The following SFMBT2 variants were observed in gnomAD, a reference collection of about 807,000 sequenced individuals.
The protein encoded by SFMBT2 is Scm like with four mbt domains 2.
A neutral mutation model predicts 110.1 loss-of-function variants in SFMBT2; 38 were observed. The observed-to-expected ratio is 0.35, with a 90% CI of 0.27 to 0.45. The LOEUF (loss-of-function observed/expected upper bound fraction) is 0.45, where lower values mean the gene tolerates loss of function less well. Among genes scored for constraint, SFMBT2 ranks in the 20% least tolerant of loss-of-function variants. The probability of loss-of-function intolerance (pLI) is 1.00; values close to 1 mark genes in which losing one functional copy is unlikely to be tolerated. For synonymous variants in SFMBT2, 425 were observed against 425.4 expected (o/e 1.00, Z 0.01); for missense variants, 1,011 against 1,094.9 (o/e 0.92, Z 1.08).
chr10:7,329,627 A>G (rs1843506124), intron 4 of SFMBT2: 1 of 461,142 alleles, frequency 2.2e-6, no homozygotes, highest in Non-Finnish European at 2.8e-6. Flanking sequence ...CAGATGGAAC[A>G]CAGCAAGGCA....
chr10:7,348,439 AGGG>A, intron 4 of SFMBT2: 1 of 923,868 alleles, frequency 1.1e-6, no homozygotes, highest in Non-Finnish European at 1.5e-6. Context: ...TATGTCATTA[AGGG>A]CTTTTCAAAA....
At chr10:7,306,414 G>C (rs949458043) in intron 4 of SFMBT2, among the ~76,000 whole-genome samples, 3 of 152,210 alleles carry the variant, frequency 2.0e-5, no homozygotes, top group African/African-American at 7.2e-5. Flanking sequence ...TTGGAGCACA[G>C]CCACGTCATT....
intron 11 of SFMBT2, among the ~76,000 whole-genome samples, chr10:7,211,457 C>A (rs1328719956): frequency 6.6e-6 from 1 of 152,184 alleles, no homozygotes; most frequent in Non-Finnish European, 1.5e-5. Context: ...GATTCCCCGG[C>A]CTCTGGTCAA....
At chr10:7,375,652 G>C (rs1368607321) in intron 2 of SFMBT2, among the ~76,000 whole-genome samples, 2 of 151,950 alleles carry the variant, frequency 1.3e-5, no homozygotes, top group Non-Finnish European at 2.9e-5. Flanking sequence ...CACAACTGCA[G>C]AGCCACCCCA....
At position 7,235,390 on chromosome 10, in the gene SFMBT2, C is replaced by G. The variant is rs117479216; in HGVS notation, c.1121-7453G>C. Among the ~76,000 whole-genome samples the G allele has an allele frequency of 3.6e-3, 543 of 152,268 alleles. 15 individuals carry two copies. The highest frequency in any genetic ancestry group is 0.025 in the East Asian group (130 of 5,180). ...CAAACCACATAAGGAAACTAACCAACTTGAGGGAGGGCAGAGAAATGAACT... is the reference window on the plus strand; with the variant it reads ...CAAACCACATAAGGAAACTAACCAAGTTGAGGGAGGGCAGAGAAATGAACT... On this transcript the variant is annotated intron_variant, in intron 9 of 20. Transcript: ENST00000397167.
At chr10:7,382,897 C>G (rs1447173139) in intron 1 of SFMBT2, among the ~76,000 whole-genome samples, 1 of 152,222 alleles carries the variant, frequency 6.6e-6, no homozygotes, top group Non-Finnish European at 1.5e-5. Context: ...GAATCCTACT[C>G]TCCAGCTCCT....
chr10:7,315,016 AAAAGAGAGAGAAAG>A (rs1842951241), intron 4 of SFMBT2, among the ~76,000 whole-genome samples: 1 of 138,104 alleles, frequency 7.2e-6, no homozygotes, highest in Non-Finnish European at 1.6e-5. Flanking sequence ...AGAAAGAAAG[AAAAGAGAGAGAAAG>A]AAAGAAAGAG....
At chr10:7,164,207 T>C (rs2131505608) in intron 20 of SFMBT2, 1 of 794,840 alleles carries the variant, frequency 1.3e-6, no homozygotes, top group Non-Finnish European at 1.5e-6. Context: ...GGTAACACGG[T>C]GAGATACGGT....
intron 7 of SFMBT2, chr10:7,248,890 A>T (rs116095502): frequency 0.014 from 2,313 of 166,992 alleles, 57 homozygotes; most frequent in African/African-American, 0.053. Context: ...AATTTACACT[A>T]AGCAAAAGTT....
At chr10:7,319,501 T>C (rs867827291) in intron 4 of SFMBT2, among the ~76,000 whole-genome samples, 10 of 152,250 alleles carry the variant, frequency 6.6e-5, no homozygotes, top group African/African-American at 2.2e-4. Flanking sequence ...AAAGGTACAC[T>C]TATTTCCGGA....
intron 1 of SFMBT2, among the ~76,000 whole-genome samples, chr10:7,387,572 T>C (rs1306333157): frequency 6.6e-6 from 1 of 151,112 alleles, no homozygotes; most frequent in Non-Finnish European, 1.5e-5. Context: ...GGGGGGTGCA[T>C]CAAAGCGGAA....
intron 1 of SFMBT2, among the ~76,000 whole-genome samples, chr10:7,397,290 T>C (rs1845952489): frequency 6.6e-6 from 1 of 152,052 alleles, no homozygotes; most frequent in Non-Finnish European, 1.5e-5. Context: ...GAAAATGGCA[T>C]TTGTGCTAAG....
Position 7,238,003 on chromosome 10 carries a change from G to A in SFMBT2, c.1120+5555C>T, listed in dbSNP as rs117063260. Among the ~76,000 whole-genome samples the A allele has an allele frequency of 1.9e-3, 285 of 152,260 alleles. 3 individuals are homozygous for A. In the East Asian group the frequency reaches 0.045, roughly 24 times the overall value. The stretch of plus-strand genomic sequence containing the variant: ...ACTGGGACAGACTGAGTGGGGAGTC[G>A]GGAGATGACGCTGGACAGGGCAGTG... On this transcript the variant is annotated intron_variant, in intron 9 of 20. Transcript: ENST00000397167.
intron 15 of SFMBT2, among the ~76,000 whole-genome samples, chr10:7,194,448 C>A (rs1838706954): frequency 1.3e-5 from 2 of 152,240 alleles, no homozygotes; most frequent in Non-Finnish European, 2.9e-5. Flanking sequence ...TGCATCCACA[C>A]CCCGAGACGT....
At position 7,370,341 on chromosome 10, in the gene SFMBT2, G is replaced by A. The variant is rs148453164; in HGVS notation, c.135C>T (p.Asn45=). 441 of 1,614,104 alleles carry A rather than the reference G, an allele frequency of 2.7e-4. 2 individuals carry two copies. In the Middle Eastern group the frequency reaches 3.5e-3, roughly 13 times the overall value. ...EGSSLEETGF[N]WGEYLEETGA... ...CTGTCTCTTCCAAATATTCTCCCCAGTTAAAGCCAGTTTCCTCCAAGCTTG... is the reference window on the plus strand; with the variant it reads ...CTGTCTCTTCCAAATATTCTCCCCAATTAAAGCCAGTTTCCTCCAAGCTTG... Residue 45 remains asparagine, a synonymous_variant, in exon 3 of 21, where the codon AAC becomes AAT. Coordinates refer to ENST00000397167, the MANE Select transcript of SFMBT2 (RefSeq NM_001387889.1).
chr10:7,227,173 T>C (rs1385832629), intron 10 of SFMBT2, among the ~76,000 whole-genome samples: 4 of 152,190 alleles, frequency 2.6e-5, no homozygotes, highest in Non-Finnish European at 5.9e-5. Flanking sequence ...AGCATCTAAC[T>C]GGACATCAAA....
intron 7 of SFMBT2, among the ~76,000 whole-genome samples, chr10:7,262,297 A>G (rs1697219156): frequency 1.3e-5 from 2 of 152,226 alleles, no homozygotes; most frequent in Non-Finnish European, 1.5e-5. Context: ...TAAATCCACA[A>G]TAAGATCTTC....
Position 7,175,968 on chromosome 10 carries a change from T to A in SFMBT2, c.1984+22A>T. 3 of 1,598,558 alleles carry A rather than the reference T, an allele frequency of 1.9e-6. No homozygotes were observed. In the South Asian group the frequency reaches 3.3e-5, roughly 18 times the overall value. On this transcript the variant is annotated intron_variant, in intron 17 of 20. Transcript: ENST00000397167. ...TTAGGTCTCTGGGCTCATGCATTTC[T>A]TTTTTCATTATTTGTACTTACTGTA...
chr10:7,411,065 CTTT>C (rs766788794), upstream of SFMBT2, among the ~76,000 whole-genome samples: 114 of 53,912 alleles, frequency 2.1e-3, 1 homozygote, highest in African/African-American at 9.2e-3. Context: ...GCTCGGCGCT[CTTT>C]TTTTTTTTTT....
Sources: gnomAD v4.1 joint callset for allele counts (sites outside exome capture counted in the v4.1 genomes callset) on GRCh38, gnomAD v4.1.1 for gene constraint, MANE v1.5 for transcripts, NCBI Gene and HGNC (gene_info 2026-07-23, HGNC 2026-07-21) for gene names.